The following SBF2 variants were observed in gnomAD, a reference collection of about 807,000 sequenced individuals.
SBF2 encodes myotubularin-related protein 13.
A neutral mutation model predicts 225.2 loss-of-function variants in SBF2; 112 were observed. That is an observed-to-expected ratio of 0.50 (90% CI 0.43 to 0.58). SBF2 has a LOEUF of 0.58. SBF2 is among the 20% of genes least tolerant of loss of function. The pLI is 0.00. For synonymous variants in SBF2, 763 were observed against 773.3 expected, an observed-to-expected ratio of 0.99 and a Z score of 0.22; for missense variants, 1,996 against 2,206.2, an observed-to-expected ratio of 0.90 and a Z score of 1.91.
chr11:9,974,511 T>G (rs1229615854), intron 13 of SBF2, among the ~76,000 whole-genome samples: 1 of 152,058 alleles, frequency 6.6e-6, no homozygotes, highest in East Asian at 1.9e-4. Context: ...ACAAGTACTC[T>G]TGTCACAAGT....
chr11:9,892,868 C>A (rs560736207), intron 17 of SBF2, among the ~76,000 whole-genome samples: 2 of 101,684 alleles, frequency 2.0e-5, no homozygotes, highest in Admixed American at 1.9e-4. Flanking sequence ...ATATACATAA[C>A]TTTTACTTAA....
intron 1 of SBF2, among the ~76,000 whole-genome samples, chr11:10,218,847 C>A (rs994203088): frequency 6.6e-6 from 1 of 152,242 alleles, no homozygotes; most frequent in African/African-American, 2.4e-5. Flanking sequence ...TGTCTCACAT[C>A]CAGGCCATGC....
At chr11:10,143,414 C>T (rs982287044) in intron 2 of SBF2, among the ~76,000 whole-genome samples, 8 of 152,072 alleles carry the variant, frequency 5.3e-5, no homozygotes, top group South Asian at 2.1e-4. Context: ...TCAGGTGATC[C>T]GCCCACATGG....
intron 2 of SBF2, among the ~76,000 whole-genome samples, chr11:10,085,380 A>G (rs1951524860): frequency 1.3e-5 from 2 of 152,162 alleles, no homozygotes. Context: ...AGTTTCTGGT[A>G]AATGTATCAG....
At chr11:10,053,920 T>C (rs983516645) in intron 2 of SBF2, among the ~76,000 whole-genome samples, 1 of 150,960 alleles carries the variant, frequency 6.6e-6, no homozygotes, top group African/African-American at 2.4e-5. Context: ...ATTCTGTTCT[T>C]CCACCAAAAA....
At chr11:10,251,269 T>C (rs946995990) in intron 1 of SBF2, among the ~76,000 whole-genome samples, 1 of 152,202 alleles carries the variant, frequency 6.6e-6, no homozygotes, top group Admixed American at 6.5e-5. Flanking sequence ...GCCTTCACTC[T>C]TCTAGAAGGA....
chr11:10,138,653 G>C (rs1018445262), intron 2 of SBF2, among the ~76,000 whole-genome samples: 3 of 151,618 alleles, frequency 2.0e-5, no homozygotes, highest in Non-Finnish European at 4.4e-5. Flanking sequence ...ATTTTGATAT[G>C]TTGTACTTCC....
chr11:10,295,762 AG>A (rs1347434052), upstream of SBF2, among the ~76,000 whole-genome samples: 2 of 152,024 alleles, frequency 1.3e-5, no homozygotes, highest in Non-Finnish European at 2.9e-5. Flanking sequence ...ATTATTTCAG[AG>A]TTGTCTTACT....
intron 2 of SBF2, among the ~76,000 whole-genome samples, chr11:10,175,825 G>C (rs997745063): frequency 2.8e-4 from 43 of 151,984 alleles, no homozygotes; most frequent in African/African-American, 1.0e-3. Flanking sequence ...TCAGACCACA[G>C]TGCAATCAAA....
intron 2 of SBF2, among the ~76,000 whole-genome samples, chr11:10,068,719 C>T (rs1460471091): frequency 1.3e-5 from 2 of 151,980 alleles, no homozygotes; most frequent in Non-Finnish European, 2.9e-5. Context: ...AATATTATTA[C>T]CGACTCAGCC....
At chr11:10,205,463 C>A (rs563467338) in intron 1 of SBF2, among the ~76,000 whole-genome samples, 2 of 151,790 alleles carry the variant, frequency 1.3e-5, no homozygotes, top group Non-Finnish European at 2.9e-5. Context: ...TTGTAACCCT[C>A]GGAATGGAGG....
intron 2 of SBF2, among the ~76,000 whole-genome samples, chr11:10,074,311 A>G (rs1951011916): frequency 6.6e-6 from 1 of 152,232 alleles, no homozygotes; most frequent in African/African-American, 2.4e-5. Flanking sequence ...TATTAGCACT[A>G]TATTTGATAA....
At chr11:9,902,385 C>CTA (rs1443589044) in intron 16 of SBF2, among the ~76,000 whole-genome samples, 1 of 152,184 alleles carries the variant, frequency 6.6e-6, no homozygotes, top group Non-Finnish European at 1.5e-5. Context: ...TTGAATCCAC[C>CTA]TATGACCTGT....
intron 1 of SBF2, among the ~76,000 whole-genome samples, chr11:10,199,311 G>A (rs1957492459): frequency 6.6e-6 from 1 of 152,088 alleles, no homozygotes; most frequent in Non-Finnish European, 1.5e-5. Context: ...CATGGGTGTA[G>A]TCTGTGGCAT....
At chr11:10,139,365 C>A (rs937690537) in intron 2 of SBF2, among the ~76,000 whole-genome samples, 1 of 152,150 alleles carries the variant, frequency 6.6e-6, no homozygotes, top group African/African-American at 2.4e-5. Flanking sequence ...AAAGCATTTT[C>A]TGTAATGATG....
chr11:10,239,702 A>ATT (rs1959181814), intron 1 of SBF2, among the ~76,000 whole-genome samples: 1 of 137,834 alleles, frequency 7.3e-6, no homozygotes, highest in Non-Finnish European at 1.7e-5. Flanking sequence ...AATGTTTTTT[A>ATT]TTTTACAAAA....
rs112549556 is a variant in SBF2, at chr11:9,846,723, G to C, written c.2934+233C>G. Among the ~76,000 whole-genome samples the C allele has an allele frequency of 1.1e-3, 163 of 152,308 alleles. 2 individuals are homozygous for C. The highest frequency in any genetic ancestry group is 3.5e-3 in the African/African-American group (147 of 41,568). ...CAATCGTACTTGTCTAAGTTTCTAA[G>C]ATCACTCATTATTGAGTATCTGCTG... On this transcript the variant is annotated intron_variant, in intron 23 of 39. Coordinates refer to ENST00000256190, the MANE Select transcript of SBF2 (RefSeq NM_030962.4).
chr11:10,206,715 G>A (rs1957763055), intron 1 of SBF2, among the ~76,000 whole-genome samples: 1 of 152,082 alleles, frequency 6.6e-6, no homozygotes, highest in African/African-American at 2.4e-5. Flanking sequence ...CTCACTGGAT[G>A]GTTTCAATAG....
At chr11:10,246,039 T>A (rs1366757491) in intron 1 of SBF2, among the ~76,000 whole-genome samples, 1 of 152,184 alleles carries the variant, frequency 6.6e-6, no homozygotes, top group African/African-American at 2.4e-5. Context: ...CGTGAATAAA[T>A]CCTAGAGATC....
Sources: gnomAD v4.1 joint callset for allele counts (sites outside exome capture counted in the v4.1 genomes callset) on GRCh38, gnomAD v4.1.1 for gene constraint, MANE v1.5 for transcripts, NCBI Gene and HGNC (gene_info 2026-07-23, HGNC 2026-07-21) for gene names.